The following HS3ST4 variants were observed in gnomAD, a reference collection of about 807,000 sequenced individuals.
HS3ST4 encodes the protein heparan sulfate glucosamine 3-O-sulfotransferase 4.
HS3ST4 carries 17 observed loss-of-function variants against 29.2 expected under a neutral mutation model. The ratio of observed to expected loss-of-function variants is 0.58; its 90% CI spans 0.40 to 0.87. The LOEUF is 0.87. Ranked by LOEUF, HS3ST4 falls within the 40% of genes least tolerant of loss-of-function variation. HS3ST4 has a pLI of 0.00. For missense variants in HS3ST4, 627 were observed against 634.5 expected, an observed-to-expected ratio of 0.99 and a Z score of 0.13; for synonymous variants, 314 against 285.7, an observed-to-expected ratio of 1.10 and a Z score of -1.00.
intron 1 of HS3ST4, among the ~76,000 whole-genome samples, chr16:26,113,653 A>T (rs1226477832): frequency 6.6e-6 from 1 of 152,032 alleles, no homozygotes; most frequent in African/African-American, 2.4e-5. Context: ...TTTATCAGAG[A>T]TGATGAGAAT....
chr16:26,122,466 G>A (rs1478564676), intron 1 of HS3ST4, among the ~76,000 whole-genome samples: 1 of 152,168 alleles, frequency 6.6e-6, no homozygotes, highest in Non-Finnish European at 1.5e-5. Flanking sequence ...AAAAGGTCAG[G>A]GATGACAGAA....
chr16:25,935,753 A>G (rs1968511496), intron 1 of HS3ST4, among the ~76,000 whole-genome samples: 1 of 152,212 alleles, frequency 6.6e-6, no homozygotes, highest in Non-Finnish European at 1.5e-5. Flanking sequence ...AGTTTTGGCA[A>G]TTATGAGTAA....
intron 1 of HS3ST4, among the ~76,000 whole-genome samples, chr16:26,020,486 C>T (rs971351604): frequency 3.3e-5 from 5 of 152,176 alleles, no homozygotes; most frequent in Non-Finnish European, 5.9e-5. Flanking sequence ...CTGTGACAGC[C>T]GGAGGACTGA....
rs188744467 is a variant in HS3ST4 at position 26,091,643 on chromosome 16, A to G, written c.735-43969A>G. On this transcript the variant is annotated intron_variant, in intron 1 of 1. Coordinates refer to ENST00000331351, the MANE Select transcript of HS3ST4 (RefSeq NM_006040.3). ...CAACCAAGCCATATATATAGATATC[A>G]TATCCTGGAGAGATGCCAAAGTGAA... Among the ~76,000 whole-genome samples, 214 of 152,320 alleles carry G rather than the reference A, an allele frequency of 1.4e-3. 1 individual carries two copies. The highest frequency in any genetic ancestry group is 3.3e-3 in the East Asian group (17 of 5,186).
chr16:26,006,300 GAAAAAAAAAAAAAAA>G (rs11461863), intron 1 of HS3ST4, among the ~76,000 whole-genome samples: 1 of 68,670 alleles, frequency 1.5e-5, no homozygotes, highest in Admixed American at 2.4e-4. Context: ...CTCTGTTTCA[GAAAAAAAAAAAAAAA>G]AAAAAAAAAA....
At chr16:25,810,026 C>A (rs1967027114) in intron 1 of HS3ST4, among the ~76,000 whole-genome samples, 1 of 151,818 alleles carries the variant, frequency 6.6e-6, no homozygotes, top group Non-Finnish European at 1.5e-5. Context: ...ATAGATTGTT[C>A]TTCTTCATCT....
intron 1 of HS3ST4, among the ~76,000 whole-genome samples, chr16:25,722,422 C>T (rs1966503767): frequency 6.6e-6 from 1 of 152,002 alleles, no homozygotes; most frequent in African/African-American, 2.4e-5. Context: ...CACACACTGC[C>T]CAACAACCCT....
Position 25,805,704 on chromosome 16 carries a change from T to G in HS3ST4, c.734+112553T>G, listed in dbSNP as rs185518850. On this transcript the variant is annotated intron_variant, in intron 1 of 1. Transcript: ENST00000331351. ...CTCAAATTACTTCTTTTTAAAAATT[T>G]TTTATTTTAATTTTAAGTTCTGGGG... Among the ~76,000 whole-genome samples the G allele has an allele frequency of 1.2e-4, 19 of 152,298 alleles. No homozygotes were observed. In the East Asian group the frequency reaches 2.9e-3, roughly 23 times the overall value.
intron 1 of HS3ST4, among the ~76,000 whole-genome samples, chr16:26,117,810 C>G (rs954014305): frequency 3.3e-5 from 5 of 152,182 alleles, no homozygotes; most frequent in Non-Finnish European, 5.9e-5. Context: ...TATTTGTTCA[C>G]TTATTAAGCA....
At chr16:26,124,789 G>A (rs1306710198) in intron 1 of HS3ST4, among the ~76,000 whole-genome samples, 1 of 152,234 alleles carries the variant, frequency 6.6e-6, no homozygotes, top group African/African-American at 2.4e-5. Context: ...AACACCATTA[G>A]AGTTGATGAG....
chr16:25,706,065 A>G (rs578159018), intron 1 of HS3ST4, among the ~76,000 whole-genome samples: 28 of 152,238 alleles, frequency 1.8e-4, no homozygotes, highest in Non-Finnish European at 3.8e-4. Context: ...TAGCATGGAT[A>G]TCAAACGTTC....
intron 1 of HS3ST4, among the ~76,000 whole-genome samples, chr16:25,775,287 T>G (rs1337429007): frequency 6.6e-6 from 1 of 152,188 alleles, no homozygotes; most frequent in Non-Finnish European, 1.5e-5. Context: ...GTCTGCAGGA[T>G]GAGCAGCTGT....
chr16:25,897,656 AG>A (rs1299518405), intron 1 of HS3ST4, among the ~76,000 whole-genome samples: 2 of 151,888 alleles, frequency 1.3e-5, no homozygotes, highest in Non-Finnish European at 2.9e-5. Flanking sequence ...GTGTGGTGGT[AG>A]GGGGGCAGTA....
chr16:26,026,872 TG>T (rs1412008150), intron 1 of HS3ST4, among the ~76,000 whole-genome samples: 1 of 152,014 alleles, frequency 6.6e-6, no homozygotes, highest in Non-Finnish European at 1.5e-5. Context: ...TAGGGCAAAG[TG>T]GAAGGGAGAT....
intron 1 of HS3ST4, among the ~76,000 whole-genome samples, chr16:25,754,611 T>C (rs1966744207): frequency 6.6e-6 from 1 of 152,036 alleles, no homozygotes; most frequent in Middle Eastern, 3.2e-3. Context: ...AACTTAACAA[T>C]CATGGCAAAA....
chr16:25,864,815 A>G (rs998166837), intron 1 of HS3ST4, among the ~76,000 whole-genome samples: 1 of 151,472 alleles, frequency 6.6e-6, no homozygotes, highest in Non-Finnish European at 1.5e-5. Context: ...ATTCCATTGT[A>G]TATATATTTA....
At chr16:25,762,876 C>CAAAAAAAAAAAAAAAAAAAAA (rs67260535) in intron 1 of HS3ST4, among the ~76,000 whole-genome samples, 7 of 60,472 alleles carry the variant, frequency 1.2e-4, no homozygotes, top group African/African-American at 1.8e-4. Context: ...GACCCTGTCT[C>CAAAAAAAAAAAAAAAAAAAAA]AAAAAAAAAA....
intron 1 of HS3ST4, among the ~76,000 whole-genome samples, chr16:26,030,420 A>G (rs1314454141): frequency 2.6e-5 from 4 of 152,168 alleles, no homozygotes; most frequent in African/African-American, 9.7e-5. Context: ...AAGAGAAAGA[A>G]ATAATGCTGA....
Position 25,692,559 on chromosome 16 carries a change from C to A in HS3ST4, c.142C>A (p.Leu48Met). The A allele has an allele frequency of 6.9e-7, 1 of 1,453,950 alleles. No individual in the cohort carries two copies. Among genetic ancestry groups the A allele is most frequent in the Non-Finnish European group, 9.1e-7 (1 of 1,094,264 alleles). The allele number at this position is 1,453,950 out of a possible 1,614,324, so 90.1% of individuals were successfully genotyped here. A position where few individuals can be genotyped will look rare whatever the true frequency, so the allele number is the denominator to read the frequency against. ...MCTLSLSVTY[L>M]CYSLLGGSGS... ...CACCTTGTCCCTGTCTGTCACCTAC[C>A]TGTGCTACAGCCTCCTGGGCGGCTC... Residue 48 changes from leucine (L) to methionine (M), a missense_variant, in exon 1 of 2, where the codon CTG becomes ATG. By Grantham distance (15) the Leu-to-Met change is conservative (BLOSUM62 2). Coordinates refer to ENST00000331351, the MANE Select transcript of HS3ST4 (RefSeq NM_006040.3).
Sources: gnomAD v4.1 joint callset for allele counts (sites outside exome capture counted in the v4.1 genomes callset) on GRCh38, gnomAD v4.1.1 for gene constraint, MANE v1.5 for transcripts, NCBI Gene and HGNC (gene_info 2026-07-23, HGNC 2026-07-21) for gene names.